Variants in TIFAB observed in about 807,000 individuals in gnomAD.
The protein encoded by TIFAB is TIFA inhibitor.
For synonymous variants in TIFAB, 116 were observed against 95.2 expected (o/e 1.22, Z -1.27); for missense variants, 222 against 203.6 (o/e 1.09, Z -0.55).
chr5:135,447,451 TGG>T lies in TIFAB; in HGVS notation c.*2001_*2002del, dbSNP rs1432929370. ...TAGCTAACCCTTATTAAGTGTGTGC[TGG>T]GCACTGATTGAATGCTTTACAGGTG... On this transcript the variant is annotated 3_prime_UTR_variant, in exon 2 of 2. Coordinates refer to ENST00000537858, the MANE Select transcript of TIFAB (RefSeq NM_001099221.2). 4 of 320,804 alleles carry T rather than the reference TGG, an allele frequency of 1.2e-5. No homozygotes were observed. Among genetic ancestry groups the T allele is most frequent in the Non-Finnish European group, 2.3e-5 (4 of 173,822 alleles). The allele number at this position is 320,804 out of a possible 1,614,324, so 19.9% of individuals were successfully genotyped here. A position where few individuals can be genotyped will look rare whatever the true frequency, so the allele number is the denominator to read the frequency against.
Position 135,446,312 on chromosome 5 carries a change from A to G in TIFAB, c.*3142T>C. 1.3e-6 allele frequency: 2 copies of G among 1,528,416 alleles called. No individual in the cohort carries two copies. Among genetic ancestry groups the G allele is most frequent in the South Asian group, 1.3e-5 (1 of 76,332 alleles). 94.7% of individuals were successfully genotyped at this position (1,528,416 alleles called of 1,614,324 possible). On this transcript the variant is annotated 3_prime_UTR_variant, in exon 2 of 2. Transcript: ENST00000537858. ...CTAGCTGGGAGCAGCGTTCATGTGC[A>G]CTGTATGTTCGTGTTTAGTGTATGT...
At position 135,445,132 on chromosome 5, in the gene TIFAB, G is replaced by A. The variant is rs1580653454; in HGVS notation, c.*4322C>T. 2.0e-5 allele frequency: 3 copies of A among 152,264 alleles called. No individual in the cohort carries two copies. The highest frequency in any genetic ancestry group is 4.8e-5 in the African/African-American group (2 of 41,556). The allele number at this position is 152,264 out of a possible 1,614,324, so 9.4% of individuals were successfully genotyped here. On this transcript the variant is annotated 3_prime_UTR_variant, in exon 2 of 2. Transcript: ENST00000537858. ...AGCCCCTCCAGGGTCTCCTTGGCAG[G>A]GGCTGTCCCCTATGAGCCTCTGCAG... is the stretch of plus-strand genomic sequence containing the variant.
chr5:135,450,859 G>C (rs931075488), intron 1 of TIFAB: 1 of 152,286 alleles, frequency 6.6e-6, no homozygotes, highest in Admixed American at 6.5e-5. Flanking sequence ...CCCTGTTCAA[G>C]TGTTACCTCT....
intron 1 of TIFAB, among the ~76,000 whole-genome samples, chr5:135,451,303 G>C (rs111765203): frequency 0.011 from 1,701 of 152,188 alleles, 34 homozygotes; most frequent in African/African-American, 0.038. Flanking sequence ...TCTTGAACCT[G>C]CTGCCCCTCC....
At position 135,447,203 on chromosome 5, in the gene TIFAB, C is replaced by A. The variant is rs1769285274; in HGVS notation, c.*2251G>T. On this transcript the variant is annotated 3_prime_UTR_variant, in exon 2 of 2. Coordinates refer to ENST00000537858, the MANE Select transcript of TIFAB (RefSeq NM_001099221.2). ...CTTCTCCTTGCCAGCCCTACCAGGGCATCTCCCATTATACTAACCCTGCCT... is the reference window on the plus strand; with the variant it reads ...CTTCTCCTTGCCAGCCCTACCAGGGAATCTCCCATTATACTAACCCTGCCT... 1.3e-6 allele frequency: 2 copies of A among 1,501,984 alleles called. No individual in the cohort carries two copies. The highest frequency in any genetic ancestry group is 2.8e-5 in the African/African-American group (2 of 72,616). 93.0% of individuals were successfully genotyped at this position (1,501,984 alleles called of 1,614,324 possible).
intron 1 of TIFAB, 70 bp from the exon 2 acceptor site, chr5:135,450,019 A>T: frequency 6.7e-7 from 1 of 1,501,620 alleles, no homozygotes; most frequent in Non-Finnish European, 8.9e-7. Context: ...CTGAGCCCAG[A>T]CACACTTGCC....
rs1354185388 is a variant in TIFAB, at chr5:135,449,472, A to C, written c.468T>G (p.Pro156=). The C allele has an allele frequency of 6.2e-7, 1 of 1,613,690 alleles. No individual in the cohort carries two copies. The highest frequency in any genetic ancestry group is 1.1e-5 in the South Asian group (1 of 91,054). The change falls in exon 2 of 2, where the codon CCT becomes CCG. Residue 156 remains proline (P), a synonymous_variant. Coordinates refer to ENST00000537858, the MANE Select transcript of TIFAB (RefSeq NM_001099221.2). The part of the protein sequence containing the change: ...DEWEGISQGQ[P]PPGSG ...GGATCTGCTACCCTGAACCAGGGGG[A>C]GGCTGCCCCTGGGAGATGCCTTCCC...
chr5:135,449,822 G>A lies in TIFAB; in HGVS notation c.118C>T (p.Arg40Trp), dbSNP rs199568813. The A allele has an allele frequency of 6.2e-5, 100 of 1,609,280 alleles. No individual in the cohort carries two copies. The African/African-American group carries it at 8.7e-4, about 14-fold the overall frequency. The change falls in exon 2 of 2, where the codon CGG becomes TGG. Residue 40 changes from arginine (R) to tryptophan (W), a missense_variant. Physicochemically the swap from Arg to Trp is moderately radical, Grantham distance 101 (BLOSUM62 -3). Transcript: ENST00000537858. ...AGCTGGAGGTGGGCGTCCTGCCCCCGTCCGAGAAGCAGAGGGCTGGTATCA... is the reference window on the plus strand; with the variant it reads ...AGCTGGAGGTGGGCGTCCTGCCCCCATCCGAGAAGCAGAGGGCTGGTATCA... ...QHDTSPLLLG[R>W]GQDAHLQLQL...
rs1207857787 is a variant in TIFAB, at chr5:135,445,354, A to G, written c.*4100T>C. ...CTAGAGGGTCTGCGCTGCCCCAGCCAGAGGGTCTGTGCTGTCCCTGCTGAG... is the reference window on the plus strand; with the variant it reads ...CTAGAGGGTCTGCGCTGCCCCAGCCGGAGGGTCTGTGCTGTCCCTGCTGAG... On this transcript the variant is annotated 3_prime_UTR_variant, in exon 2 of 2. Transcript: ENST00000537858. The G allele has an allele frequency of 6.6e-6, 1 of 152,326 alleles. No individual in the cohort carries two copies. Among genetic ancestry groups the G allele is most frequent in the Non-Finnish European group, 1.5e-5 (1 of 68,148 alleles). 9.4% of individuals were successfully genotyped at this position (152,326 alleles called of 1,614,324 possible). A position where few individuals can be genotyped will look rare whatever the true frequency, so the allele number is the denominator to read the frequency against.
chr5:135,450,080 A>C, intron 1 of TIFAB, 131 bp from the exon 2 acceptor site: 1 of 1,263,708 alleles, frequency 7.9e-7, no homozygotes, highest in Non-Finnish European at 1.1e-6. Context: ...CCAAGCCAGG[A>C]TGGAGCCAAG....
rs1271376785 is a variant in TIFAB at position 135,447,075 on chromosome 5, A to G, written c.*2379T>C. The G allele has an allele frequency of 6.2e-7, 1 of 1,613,826 alleles. No homozygotes were observed. The highest frequency in any genetic ancestry group is 8.5e-7 in the Non-Finnish European group (1 of 1,179,892). The stretch of plus-strand genomic sequence containing the variant: ...ACAGTCTCCAGGCCGTGGCTTCTCG[A>G]GTTCTGTATGTGGGTTGCTGCTCCG... On this transcript the variant is annotated 3_prime_UTR_variant, in exon 2 of 2. Coordinates refer to ENST00000537858, the MANE Select transcript of TIFAB (RefSeq NM_001099221.2).
In TIFAB at chr5:135,449,703, G is replaced by C; in HGVS notation, c.237C>G (p.Ser79Arg). ...ALLAFCLKAL[S>R]RKGCVWVNGL... ...CATTGACCCACACACAGCCCTTGCGGCTCAGGGCCTTGAGGCAGAAGGCCA... is the reference window on the plus strand; with the variant it reads ...CATTGACCCACACACAGCCCTTGCGCCTCAGGGCCTTGAGGCAGAAGGCCA... The change falls in exon 2 of 2, where the codon AGC (serine) becomes AGG (arginine). Residue 79 changes from serine to arginine, a missense_variant. By Grantham distance (110) the Ser-to-Arg change is moderately radical. Transcript: ENST00000537858. 1 of 1,614,132 alleles carries C rather than the reference G, an allele frequency of 6.2e-7. No individual in the cohort carries two copies. Among genetic ancestry groups the C allele is most frequent in the Non-Finnish European group, 8.5e-7 (1 of 1,180,046 alleles).
Position 135,449,347 on chromosome 5 carries a change from G to A in TIFAB, c.*107C>T, listed in dbSNP as rs757910573. Reference sequence around the variant, plus strand: ...AGGGCTAGCAGAGTGCACTGTCTGGGGGTTCCCTCTGGAGCTGTATTTCTG... The same window carrying A: ...AGGGCTAGCAGAGTGCACTGTCTGGAGGTTCCCTCTGGAGCTGTATTTCTG... On this transcript the variant is annotated 3_prime_UTR_variant, in exon 2 of 2. Coordinates refer to ENST00000537858, the MANE Select transcript of TIFAB (RefSeq NM_001099221.2). 8.8e-6 allele frequency: 13 copies of A among 1,481,270 alleles called. No homozygotes were observed. In the Admixed American group the frequency reaches 2.1e-4, roughly 24 times the overall value. 91.8% of individuals were successfully genotyped at this position (1,481,270 alleles called of 1,614,324 possible). A position where few individuals can be genotyped will look rare whatever the true frequency, so the allele number is the denominator to read the frequency against.
In TIFAB at chr5:135,449,478, C is replaced by T. The variant is rs1283870978; in HGVS notation, c.462G>A (p.Gly154=). ...GCTACCCTGAACCAGGGGGAGGCTG[C>T]CCCTGGGAGATGCCTTCCCATTCGT... ...ETDEWEGISQ[G]QPPPGSG is the part of the protein sequence containing the mutation. Residue 154 remains glycine (G), a synonymous_variant, in exon 2 of 2, where the codon GGG becomes GGA. Coordinates refer to ENST00000537858, the MANE Select transcript of TIFAB (RefSeq NM_001099221.2). 6.2e-6 allele frequency: 10 copies of T among 1,613,904 alleles called. No homozygotes were observed. The highest frequency in any genetic ancestry group is 8.5e-6 in the Non-Finnish European group (10 of 1,180,028).
In TIFAB at chr5:135,448,085, A is replaced by G. The variant is rs1278352900; in HGVS notation, c.*1369T>C. The G allele has an allele frequency of 6.6e-6, 1 of 152,158 alleles. No individual in the cohort carries two copies. Among genetic ancestry groups the G allele is most frequent in the African/African-American group, 2.4e-5 (1 of 41,404 alleles). The allele number at this position is 152,158 out of a possible 1,614,324, so 9.4% of individuals were successfully genotyped here. ...CCCTATTGGAGAGGAAGCTTCCCACACCAGGGCAAGCCTGGGTCTTGCCCA... is the reference window on the plus strand; with the variant it reads ...CCCTATTGGAGAGGAAGCTTCCCACGCCAGGGCAAGCCTGGGTCTTGCCCA... On this transcript the variant is annotated 3_prime_UTR_variant, in exon 2 of 2. Coordinates refer to ENST00000537858, the MANE Select transcript of TIFAB (RefSeq NM_001099221.2).
intron 1 of TIFAB, chr5:135,450,704 T>C (rs1001330660): frequency 6.6e-6 from 1 of 152,280 alleles, no homozygotes; most frequent in Non-Finnish European, 1.5e-5. Context: ...CCTGCCATCA[T>C]CTTCAACAGG....
In TIFAB at chr5:135,445,619, G is replaced by A. The variant is rs1374793597; in HGVS notation, c.*3835C>T. The A allele has an allele frequency of 6.6e-6, 1 of 152,366 alleles. No individual in the cohort carries two copies. The highest frequency in any genetic ancestry group is 1.5e-5 in the Non-Finnish European group (1 of 68,166). 9.4% of individuals were successfully genotyped at this position (152,366 alleles called of 1,614,324 possible). A position where few individuals can be genotyped will look rare whatever the true frequency, so the allele number is the denominator to read the frequency against. ...TGGAAAGGCCACCGGGAACACAAGA[G>A]CCAACAACCCATGGCCTTTGTCTGC... On this transcript the variant is annotated 3_prime_UTR_variant, in exon 2 of 2. Coordinates refer to ENST00000537858, the MANE Select transcript of TIFAB (RefSeq NM_001099221.2).
chr5:135,449,882 A>G lies in TIFAB; in HGVS notation c.58T>C (p.Ser20Pro), dbSNP rs774233211. The change falls in exon 2 of 2, where the codon TCT (serine) becomes CCT (proline). Residue 20 changes from serine (S) to proline (P), a missense_variant. Physicochemically the swap from Ser to Pro is moderately conservative, Grantham distance 74. Transcript: ENST00000537858. ...VSLYHPTLGP[S>P]AFANVPPRLQ... Reference sequence around the variant, plus strand: ...CGTGGTGGGACATTGGCAAAGGCAGATGGGCCCAGCGTGGGATGGTACAGG... The same window carrying G: ...CGTGGTGGGACATTGGCAAAGGCAGGTGGGCCCAGCGTGGGATGGTACAGG... 9.5e-6 allele frequency: 15 copies of G among 1,572,340 alleles called. No homozygotes were observed. Among genetic ancestry groups the G allele is most frequent in the Non-Finnish European group, 1.3e-5 (15 of 1,156,898 alleles).
rs994128923 is a variant in TIFAB at position 135,446,666 on chromosome 5, G to A, written c.*2788C>T. The A allele has an allele frequency of 8.1e-6, 13 of 1,613,860 alleles. No individual in the cohort carries two copies. The highest frequency in any genetic ancestry group is 6.7e-5 in the East Asian group (3 of 44,896). The stretch of plus-strand genomic sequence containing the variant: ...GTACAGGGCAAGGTGTGAGTTTCCC[G>A]GTGAGACTGTGTGAACTGTGAACGG... On this transcript the variant is annotated 3_prime_UTR_variant, in exon 2 of 2. Coordinates refer to ENST00000537858, the MANE Select transcript of TIFAB (RefSeq NM_001099221.2).
Sources: gnomAD v4.1 joint callset for allele counts (sites outside exome capture counted in the v4.1 genomes callset) on GRCh38, gnomAD v4.1.1 for gene constraint, MANE v1.5 for transcripts, NCBI Gene and HGNC (gene_info 2026-07-23, HGNC 2026-07-21) for gene names.